The following PPP2R2D variants were observed in gnomAD, a reference collection of about 807,000 sequenced individuals.
The protein encoded by PPP2R2D is serine/threonine-protein phosphatase 2A 55 kDa regulatory subunit B delta isoform.
PPP2R2D carries 9 observed loss-of-function variants against 31.1 expected under a neutral mutation model. That is an observed-to-expected ratio of 0.29 (90% CI 0.17 to 0.51). The LOEUF is 0.51. Among genes scored for constraint, PPP2R2D ranks in the 20% least tolerant of loss-of-function variants. The pLI is 0.98. For missense variants in PPP2R2D, 391 were observed against 465.6 expected (o/e 0.84, Z 1.48); for synonymous variants, 179 against 172.6 (o/e 1.04, Z -0.29).
In PPP2R2D at chr10:131,955,789, C is replaced by T. The variant is rs1412809841; in HGVS notation, c.1188C>T (p.Ala396=). The change falls in exon 9 of 9, where the codon GCC becomes GCT. Residue 396 remains alanine, a synonymous_variant. Coordinates refer to ENST00000455566, the MANE Select transcript of PPP2R2D (RefSeq NM_018461.5). ...CGAGAGAGAGCAGCAAACCGCGCGC[C>T]AGCCTCAAACCCCGGAAGGTGTGTA... ...EASRESSKPR[A]SLKPRKVCTG... is the part of the protein sequence containing the mutation. 7.5e-6 allele frequency: 12 copies of T among 1,596,596 alleles called. No individual in the cohort carries two copies. Among genetic ancestry groups the T allele is most frequent in the African/African-American group, 1.3e-5 (1 of 74,284 alleles).
In PPP2R2D at chr10:131,930,858, C is replaced by G. The variant is rs535788414; in HGVS notation, c.101-3600C>G. Among the ~76,000 whole-genome samples the G allele has an allele frequency of 2.6e-5, 4 of 152,326 alleles. No individual in the cohort carries two copies. The South Asian group carries it at 6.2e-4, about 24-fold the overall frequency. Reference sequence around the variant, plus strand: ...TGGGAGGTGGGCCACCGAAACTGATCCTCTGATTGTCTTATCCTTCCTGTC... The same window carrying G: ...TGGGAGGTGGGCCACCGAAACTGATGCTCTGATTGTCTTATCCTTCCTGTC... On this transcript the variant is annotated intron_variant, in intron 2 of 8. Transcript: ENST00000455566.
chr10:131,917,332 G>C (rs1247653856), intron 2 of PPP2R2D, among the ~76,000 whole-genome samples: 19 of 121,402 alleles, frequency 1.6e-4, no homozygotes, highest in African/African-American at 5.2e-4. Context: ...AGGGACCTCA[G>C]GCGGGTGGGA....
At chr10:131,971,197 C>T in the PPP2R2D span, 2 of 552,518 alleles carry the variant, frequency 3.6e-6, no homozygotes, top group African/African-American at 1.9e-5. Flanking sequence ...GACAGATCAC[C>T]TCTGGGGGAG....
At chr10:131,915,162 A>C (rs781797159) in intron 2 of PPP2R2D, among the ~76,000 whole-genome samples, 1 of 151,986 alleles carries the variant, frequency 6.6e-6, no homozygotes, top group African/African-American at 2.4e-5. Flanking sequence ...AAGAGTATTC[A>C]TTACAAAAGC....
At chr10:131,916,757 G>A (rs1442111529) in intron 2 of PPP2R2D, among the ~76,000 whole-genome samples, 2 of 149,068 alleles carry the variant, frequency 1.3e-5, no homozygotes, top group African/African-American at 2.5e-5. Flanking sequence ...CCTCAGGCGG[G>A]TGGAATGACA....
chr10:131,944,174 C>G (rs1554897593), intron 6 of PPP2R2D, 29 bp downstream of exon 6: 2 of 1,583,736 alleles, frequency 1.3e-6, no homozygotes, highest in Admixed American at 3.6e-5. Flanking sequence ...ACACTGGCGT[C>G]TTCCCGAGGG....
Position 131,901,136 on chromosome 10 carries a change from G to A in PPP2R2D, c.-13G>A. 1 of 257,926 alleles carries A rather than the reference G, an allele frequency of 3.9e-6. No individual in the cohort carries two copies. The highest frequency in any genetic ancestry group is 7.2e-6 in the Non-Finnish European group (1 of 138,412). The allele number at this position is 257,926 out of a possible 1,614,324, so 16.0% of individuals were successfully genotyped here. On this transcript the variant is annotated 5_prime_UTR_variant, in exon 1 of 9. Coordinates refer to ENST00000455566, the MANE Select transcript of PPP2R2D (RefSeq NM_018461.5). ...GTCTGCCGCGGTCCCCGCCCGTCCC[G>A]CCGCCGGCTGCCATGGCAGGTGAGG...
chr10:131,936,326 T>C (rs1225116494), intron 3 of PPP2R2D, among the ~76,000 whole-genome samples: 2 of 151,814 alleles, frequency 1.3e-5, no homozygotes, highest in Non-Finnish European at 1.5e-5. Flanking sequence ...TTTTTGTATT[T>C]TAGTAGCGAT....
intron 2 of PPP2R2D, among the ~76,000 whole-genome samples, chr10:131,916,254 C>T (rs1430988763): frequency 2.0e-5 from 3 of 151,690 alleles, no homozygotes; most frequent in African/African-American, 7.3e-5. Context: ...TATATGTCAG[C>T]AACTTAGGGT....
At chr10:131,901,575 G>T (rs2035497013) in intron 2 of PPP2R2D, among the ~76,000 whole-genome samples, 1 of 152,270 alleles carries the variant, frequency 6.6e-6, no homozygotes, top group Non-Finnish European at 1.5e-5. Context: ...AGTCACCAAG[G>T]TCACGGGCGG....
Position 131,945,147 on chromosome 10 carries a change from G to T in PPP2R2D, c.656-148G>T, listed in dbSNP as rs1279856830. On this transcript the variant is annotated intron_variant, in intron 6 of 8. Transcript: ENST00000455566. This position sits in a 1 kb window ranked among gnomAD's most constrained non-coding sequence, Gnocchi z 4.8. ...AATCCCCTTACCAGGCGCTCCTTTG[G>T]AATTCGGGATGTGTAACCAGCCTTC... 4.4e-6 allele frequency: 4 copies of T among 911,358 alleles called. No individual in the cohort carries two copies. The African/African-American group carries it at 6.7e-5, about 15-fold the overall frequency. 56.5% of individuals were successfully genotyped at this position (911,358 alleles called of 1,614,324 possible). A position where few individuals can be genotyped will look rare whatever the true frequency, so the allele number is the denominator to read the frequency against.
At chr10:131,950,022 C>T (rs1256636608) in intron 8 of PPP2R2D, among the ~76,000 whole-genome samples, 1 of 147,772 alleles carries the variant, frequency 6.8e-6, no homozygotes, top group Non-Finnish European at 1.5e-5. Flanking sequence ...GATACATGAC[C>T]GCCAAACATG....
At chr10:131,919,347 A>C (rs1424212596) in intron 2 of PPP2R2D, among the ~76,000 whole-genome samples, 5 of 113,544 alleles carry the variant, frequency 4.4e-5, no homozygotes, top group African/African-American at 1.8e-4. Flanking sequence ...GGGTGGAATG[A>C]CAGTGTAGGG....
downstream of PPP2R2D, among the ~76,000 whole-genome samples, chr10:131,964,255 C>T (rs534340875): frequency 6.6e-6 from 1 of 152,120 alleles, no homozygotes; most frequent in African/African-American, 2.4e-5. Flanking sequence ...AGAATATCCT[C>T]TCAAGAACCC....
At chr10:131,903,709 G>A (rs888961749) in intron 2 of PPP2R2D, among the ~76,000 whole-genome samples, 40 of 152,146 alleles carry the variant, frequency 2.6e-4, no homozygotes, top group African/African-American at 9.7e-4. Context: ...TTTGGCCATA[G>A]TAACCCATCC....
Position 131,958,152 on chromosome 10 carries a change from G to A in PPP2R2D, c.*2189G>A, listed in dbSNP as rs1554900578. 1 of 173,344 alleles carries A rather than the reference G, an allele frequency of 5.8e-6. No individual in the cohort carries two copies. 10.7% of individuals were successfully genotyped at this position (173,344 alleles called of 1,614,324 possible). On this transcript the variant is annotated 3_prime_UTR_variant, in exon 9 of 9. Coordinates refer to ENST00000455566, the MANE Select transcript of PPP2R2D (RefSeq NM_018461.5). ...CCCGTCCCCCTGTGGAGATGAAGGG[G>A]TGTGCTGATCCCCCATGCCCTGTGG...
intron 2 of PPP2R2D, among the ~76,000 whole-genome samples, chr10:131,917,470 T>G (rs1589929246): frequency 3.6e-5 from 4 of 112,226 alleles, no homozygotes; most frequent in South Asian, 3.5e-4. Flanking sequence ...CTCAGGCGGG[T>G]GGAATGACAG....
intron 2 of PPP2R2D, among the ~76,000 whole-genome samples, chr10:131,923,386 G>A (rs1213164042): frequency 6.6e-6 from 1 of 152,124 alleles, no homozygotes; most frequent in South Asian, 2.1e-4. Flanking sequence ...CTAGTTTTTG[G>A]CTCTTTCAAA....
intron 2 of PPP2R2D, among the ~76,000 whole-genome samples, chr10:131,924,144 A>G (rs1388308009): frequency 6.6e-6 from 1 of 152,158 alleles, no homozygotes; most frequent in African/African-American, 2.4e-5. Flanking sequence ...TGGTGTCCTT[A>G]GATGCACAAG....
Sources: gnomAD v4.1 joint callset for allele counts (sites outside exome capture counted in the v4.1 genomes callset) on GRCh38, gnomAD v4.1.1 for gene constraint, Gnocchi (gnomAD v3.1) non-coding constraint, MANE v1.5 for transcripts, NCBI Gene and HGNC (gene_info 2026-07-23, HGNC 2026-07-21) for gene names.